The following ZHX2 variants were observed in gnomAD, a reference collection of about 807,000 sequenced individuals.
The protein encoded by ZHX2 is zinc fingers and homeoboxes 2, also known as zinc fingers and homeoboxes protein 2.
A neutral mutation model predicts 21.9 loss-of-function variants in ZHX2; 6 were observed. The ratio of observed to expected loss-of-function variants is 0.27; its 90% CI spans 0.15 to 0.54. The LOEUF is 0.54. Ranked by LOEUF, ZHX2 falls within the 20% of genes least tolerant of loss-of-function variation. ZHX2 has a pLI of 0.95. For missense variants in ZHX2, 908 were observed against 1,090.7 expected, an observed-to-expected ratio of 0.83 and a Z score of 2.36; for synonymous variants, 434 against 437.1, an observed-to-expected ratio of 0.99 and a Z score of 0.09.
At position 122,951,434 on chromosome 8, in the gene ZHX2, C is replaced by G. The variant is rs1813106486; in HGVS notation, c.-77C>G. On this transcript the variant is annotated 5_prime_UTR_variant, in exon 3 of 4. Transcript: ENST00000314393. ...GGGGAATAAAGCCAAAAGCCTTTCA[C>G]CTTATTCGTTCCAAGAATCTCACCG... The G allele has an allele frequency of 4.5e-6, 6 of 1,333,258 alleles. No individual in the cohort carries two copies. Among genetic ancestry groups the G allele is most frequent in the Non-Finnish European group, 6.2e-6 (6 of 974,142 alleles). 82.6% of individuals were successfully genotyped at this position (1,333,258 alleles called of 1,614,324 possible).
chr8:122,902,862 C>G (rs1420167341), intron 2 of ZHX2, among the ~76,000 whole-genome samples: 1 of 152,206 alleles, frequency 6.6e-6, no homozygotes, highest in Non-Finnish European at 1.5e-5. Context: ...ACAAGTCTGC[C>G]ATGAGCCCAA....
At chr8:122,879,506 G>T (rs1056655329) in intron 2 of ZHX2, among the ~76,000 whole-genome samples, 5 of 145,056 alleles carry the variant, frequency 3.4e-5, no homozygotes, top group Admixed American at 6.9e-5. Context: ...CACCGGGCTG[G>T]TTTTTTTTTT....
chr8:122,972,338 G>T (rs1049413205), intron 3 of ZHX2, among the ~76,000 whole-genome samples: 3 of 152,108 alleles, frequency 2.0e-5, no homozygotes, highest in Non-Finnish European at 4.4e-5. Context: ...AAGGTCCTTG[G>T]ACTATTTTCA....
At chr8:122,896,259 T>C (rs1820099249) in intron 2 of ZHX2, among the ~76,000 whole-genome samples, 1 of 152,060 alleles carries the variant, frequency 6.6e-6, no homozygotes, top group Non-Finnish European at 1.5e-5. Flanking sequence ...ATATTGTTTT[T>C]AAAAGGGATG....
Position 122,921,263 on chromosome 8 carries a change from T to C in ZHX2, c.-219-30029T>C, listed in dbSNP as rs981109280. Among the ~76,000 whole-genome samples, 5 of 152,128 alleles carry C rather than the reference T, an allele frequency of 3.3e-5. No individual in the cohort carries two copies. In the East Asian group the frequency reaches 7.7e-4, roughly 24 times the overall value. ...CACCTGGCTAATTTTTTTGTATTTT[T>C]AGTAGAGATGGGGTTTCACCATGTT... On this transcript the variant is annotated intron_variant, in intron 2 of 3. Coordinates refer to ENST00000314393, the MANE Select transcript of ZHX2 (RefSeq NM_014943.5).
intron 1 of ZHX2, among the ~76,000 whole-genome samples, chr8:122,845,652 G>C (rs925247337): frequency 7.9e-5 from 12 of 152,196 alleles, no homozygotes; most frequent in Non-Finnish European, 1.6e-4. Context: ...ATTATAAGTG[G>C]GGTAAAAGTT....
At chr8:122,799,678 C>T (rs1443833625) in intron 1 of ZHX2, among the ~76,000 whole-genome samples, 1 of 152,150 alleles carries the variant, frequency 6.6e-6, no homozygotes, top group Non-Finnish European at 1.5e-5. Context: ...AGGCTGAGGG[C>T]TCAGCCTCTG....
intron 1 of ZHX2, among the ~76,000 whole-genome samples, chr8:122,793,269 G>A: frequency 6.6e-6 from 1 of 152,190 alleles, no homozygotes; most frequent in East Asian, 1.9e-4. Context: ...AGCTATGAAA[G>A]GAGAGGCCAT....
chr8:122,918,249 C>G (rs957042283), intron 2 of ZHX2, among the ~76,000 whole-genome samples: 9 of 152,248 alleles, frequency 5.9e-5, no homozygotes, highest in African/African-American at 2.2e-4. Flanking sequence ...CCGCCTTTGT[C>G]ATTCCAATCG....
At chr8:122,883,457 C>T (rs1819762795) in intron 2 of ZHX2, among the ~76,000 whole-genome samples, 1 of 152,198 alleles carries the variant, frequency 6.6e-6, no homozygotes, top group Admixed American at 6.5e-5. Flanking sequence ...TCTTGAGAAA[C>T]TCTAGCCAGT....
chr8:122,818,000 A>G (rs900608354), intron 1 of ZHX2, among the ~76,000 whole-genome samples: 3 of 152,190 alleles, frequency 2.0e-5, no homozygotes, highest in African/African-American at 7.2e-5. Flanking sequence ...TTCAAAGCTC[A>G]GGGCACTTGT....
intron 2 of ZHX2, among the ~76,000 whole-genome samples, chr8:122,890,955 T>C (rs1374613814): frequency 6.6e-6 from 1 of 152,178 alleles, no homozygotes; most frequent in East Asian, 1.9e-4. Context: ...TGCTTGTATT[T>C]TGTTGAGAAT....
chr8:122,827,543 A>T (rs924355703), intron 1 of ZHX2, among the ~76,000 whole-genome samples: 5 of 152,170 alleles, frequency 3.3e-5, no homozygotes, highest in African/African-American at 1.2e-4. Flanking sequence ...CAGATGAGAA[A>T]ACTGAGGCTC....
At position 122,894,584 on chromosome 8, in the gene ZHX2, G is replaced by A. The variant is rs553374812; in HGVS notation, c.-220+31045G>A. 7.2e-5 allele frequency among the ~76,000 whole-genome samples: 11 copies of A among 152,214 alleles called. No individual in the cohort carries two copies. In the South Asian group the frequency reaches 2.1e-3, roughly 29 times the overall value. On this transcript the variant is annotated intron_variant, in intron 2 of 3. Transcript: ENST00000314393. The stretch of plus-strand genomic sequence containing the variant: ...CACTGCATGTTCTCACTCACAGGTG[G>A]GAATTGAACAATGAGAACACATGGA...
intron 2 of ZHX2, among the ~76,000 whole-genome samples, chr8:122,864,240 A>C (rs1819234741): frequency 6.7e-6 from 1 of 150,294 alleles, no homozygotes; most frequent in African/African-American, 2.5e-5. Context: ...AGTGTAGGGA[A>C]AGTCTGAATG....
rs2130285631 is a variant in ZHX2 at position 122,952,784 on chromosome 8, A to G, written c.1274A>G (p.Gln425Arg). ...APEPKRPHIAQVPEPPPKVAN... is the reference protein window; with the variant it reads ...APEPKRPHIARVPEPPPKVAN... ...GAACCCAAGCGTCCACACATCGCTCAGGTGCCAGAGCCCCCACCCAAGGTG... is the reference window on the plus strand; with the variant it reads ...GAACCCAAGCGTCCACACATCGCTCGGGTGCCAGAGCCCCCACCCAAGGTG... The change falls in exon 3 of 4, where the codon CAG (glutamine) becomes CGG (arginine). Residue 425 changes from glutamine to arginine, a missense_variant. Gln to Arg is a conservative substitution (Grantham distance 43, BLOSUM62 1). Coordinates refer to ENST00000314393, the MANE Select transcript of ZHX2 (RefSeq NM_014943.5). The surrounding 1 kb of genome is among the most constrained non-coding windows in gnomAD (Gnocchi z 6.9). 6.2e-7 allele frequency: 1 copy of G among 1,614,120 alleles called. No individual in the cohort carries two copies. Among genetic ancestry groups the G allele is most frequent in the Non-Finnish European group, 8.5e-7 (1 of 1,180,018 alleles).
chr8:122,926,578 C>T (rs561283181), intron 2 of ZHX2, among the ~76,000 whole-genome samples: 2 of 152,176 alleles, frequency 1.3e-5, no homozygotes, highest in Non-Finnish European at 1.5e-5. Context: ...TGTCAGGTGG[C>T]GAGTGCAGAT....
At chr8:122,800,264 C>A (rs1817691988) in intron 1 of ZHX2, among the ~76,000 whole-genome samples, 1 of 152,342 alleles carries the variant, frequency 6.6e-6, no homozygotes, top group African/African-American at 2.4e-5. Context: ...GCAGAAGACA[C>A]CAGTCACCAT....
intron 3 of ZHX2, among the ~76,000 whole-genome samples, chr8:122,954,497 C>T (rs549378881): frequency 5.1e-4 from 78 of 152,252 alleles, no homozygotes; most frequent in African/African-American, 1.6e-3. Flanking sequence ...TTGGTAGAGA[C>T]GGGGTCTCAC....
Sources: gnomAD v4.1 joint callset for allele counts (sites outside exome capture counted in the v4.1 genomes callset) on GRCh38, gnomAD v4.1.1 for gene constraint, Gnocchi (gnomAD v3.1) non-coding constraint, MANE v1.5 for transcripts, NCBI Gene and HGNC (gene_info 2026-07-23, HGNC 2026-07-21) for gene names.